The following EPHA5 variants were observed in gnomAD, a reference collection of about 807,000 sequenced individuals.
EPHA5 encodes the protein EPH receptor A5, also known as ephrin type-A receptor 5.
A neutral mutation model predicts 105.0 loss-of-function variants in EPHA5; 60 were observed. That is an observed-to-expected ratio of 0.57 (90% CI 0.46 to 0.71). EPHA5 has a LOEUF of 0.71. Ranked by LOEUF, EPHA5 falls within the 30% of genes least tolerant of loss-of-function variation. The probability of loss-of-function intolerance (pLI) is 0.00; values close to 1 mark genes in which losing one functional copy is unlikely to be tolerated. For synonymous variants in EPHA5, 513 were observed against 449.1 expected (o/e 1.14, Z -1.80); for missense variants, 1,218 against 1,274.7 (o/e 0.96, Z 0.68).
chr4:65,348,745 G>A (rs1722499685), intron 13 of EPHA5, among the ~76,000 whole-genome samples: 1 of 99,052 alleles, frequency 1.0e-5, no homozygotes, highest in South Asian at 3.5e-4. Flanking sequence ...ATATATGTGT[G>A]TGCATATATA....
chr4:65,337,317 T>C (rs1171121238), intron 14 of EPHA5, among the ~76,000 whole-genome samples: 1 of 152,108 alleles, frequency 6.6e-6, no homozygotes, highest in African/African-American at 2.4e-5. Flanking sequence ...CAAGAATTCA[T>C]TCCTTCTACT....
chr4:65,403,833 G>A (rs896702451), intron 8 of EPHA5, among the ~76,000 whole-genome samples: 1 of 152,010 alleles, frequency 6.6e-6, no homozygotes, highest in Non-Finnish European at 1.5e-5. Context: ...CATGATTGAA[G>A]TATTCAGGTT....
intron 3 of EPHA5, among the ~76,000 whole-genome samples, chr4:65,556,413 A>G (rs1453684454): frequency 6.6e-6 from 1 of 152,170 alleles, no homozygotes; most frequent in African/African-American, 2.4e-5. Flanking sequence ...ATGACTGTAT[A>G]TAATTTTTCC....
chr4:65,387,458 T>A (rs1390344264), intron 8 of EPHA5, among the ~76,000 whole-genome samples: 1 of 151,976 alleles, frequency 6.6e-6, no homozygotes, highest in Admixed American at 6.6e-5. Context: ...AGATACAGGG[T>A]GGTAAAATGC....
intron 3 of EPHA5, among the ~76,000 whole-genome samples, chr4:65,536,319 C>T (rs1193652789): frequency 6.6e-6 from 1 of 151,934 alleles, no homozygotes; most frequent in Non-Finnish European, 1.5e-5. Flanking sequence ...GCATCAAAAT[C>T]TCTTGTAATC....
intron 2 of EPHA5, among the ~76,000 whole-genome samples, chr4:65,607,636 C>T (rs1211273708): frequency 1.3e-5 from 2 of 152,174 alleles, no homozygotes; most frequent in Non-Finnish European, 2.9e-5. Flanking sequence ...AGTGAGTTAC[C>T]ATCTCATGCC....
intron 3 of EPHA5, among the ~76,000 whole-genome samples, chr4:65,498,662 A>C (rs1391714898): frequency 6.6e-6 from 1 of 151,798 alleles, no homozygotes; most frequent in South Asian, 2.1e-4. Flanking sequence ...AAATCGTAAG[A>C]GTGACTGTAA....
At chr4:65,378,029 CA>C (rs200244005) in intron 8 of EPHA5, among the ~76,000 whole-genome samples, 1,882 of 151,462 alleles carry the variant, frequency 0.012, 50 homozygotes, top group African/African-American at 0.043. Context: ...TTTTTTATAT[CA>C]AAAAAAGTAA....
intron 14 of EPHA5, among the ~76,000 whole-genome samples, chr4:65,346,637 A>T (rs1040677005): frequency 6.6e-6 from 1 of 152,180 alleles, no homozygotes; most frequent in Admixed American, 6.5e-5. Flanking sequence ...ATGGGATCTA[A>T]TTAAACTAAA....
intron 8 of EPHA5, among the ~76,000 whole-genome samples, chr4:65,400,976 C>G (rs889300440): frequency 1.4e-4 from 21 of 151,590 alleles, no homozygotes; most frequent in African/African-American, 4.8e-4. Flanking sequence ...GTTATCATAT[C>G]ATATTCCAGA....
chr4:65,554,239 T>C (rs1027286798), intron 3 of EPHA5, among the ~76,000 whole-genome samples: 1 of 148,872 alleles, frequency 6.7e-6, no homozygotes, highest in African/African-American at 2.4e-5. Flanking sequence ...AACATGAATA[T>C]ACTTATAATA....
intron 3 of EPHA5, among the ~76,000 whole-genome samples, chr4:65,576,495 T>C (rs1313289538): frequency 6.6e-6 from 1 of 152,194 alleles, no homozygotes; most frequent in African/African-American, 2.4e-5. Context: ...ATATGGTTTT[T>C]GAACACAAAC....
chr4:65,556,005 A>G (rs541389221), intron 3 of EPHA5, among the ~76,000 whole-genome samples: 1 of 152,256 alleles, frequency 6.6e-6, no homozygotes, highest in East Asian at 1.9e-4. Context: ...TTCCAACTCT[A>G]TTTTTAAATG....
chr4:65,562,883 G>A (rs910240247), intron 3 of EPHA5, among the ~76,000 whole-genome samples: 11 of 151,942 alleles, frequency 7.2e-5, no homozygotes, highest in South Asian at 4.2e-4. Flanking sequence ...AAACTGAGGC[G>A]GGAGGATTGC....
intron 2 of EPHA5, among the ~76,000 whole-genome samples, chr4:65,643,107 A>G (rs904564200): frequency 5.3e-5 from 8 of 152,038 alleles, no homozygotes; most frequent in Non-Finnish European, 8.8e-5. Flanking sequence ...TAAATGCTGA[A>G]GGAAACTTCA....
At chr4:65,545,853 A>G (rs371753300) in intron 3 of EPHA5, among the ~76,000 whole-genome samples, 4 of 152,070 alleles carry the variant, frequency 2.6e-5, no homozygotes, top group Non-Finnish European at 4.4e-5. Flanking sequence ...CAGCAGTCCA[A>G]TGATGGTTGG....
At position 65,490,765 on chromosome 4, in the gene EPHA5, G is replaced by A. The variant is rs374068083; in HGVS notation, c.1067-53C>T. On this transcript the variant is annotated intron_variant, in intron 4 of 16. Coordinates refer to ENST00000613740, the MANE Select transcript of EPHA5 (RefSeq NM_001281766.3). ...CATATTTTAAGATGGTATTAATTAGGCATTATTTATCACACCAATTCCTGG... is the reference window on the plus strand; with the variant it reads ...CATATTTTAAGATGGTATTAATTAGACATTATTTATCACACCAATTCCTGG... 44 of 1,537,450 alleles carry A rather than the reference G, an allele frequency of 2.9e-5. 1 individual carries two copies. In the African/African-American group the frequency reaches 3.8e-4, roughly 13 times the overall value.
chr4:65,432,687 T>A (rs912579622), intron 5 of EPHA5, among the ~76,000 whole-genome samples: 2 of 151,980 alleles, frequency 1.3e-5, no homozygotes, highest in Non-Finnish European at 2.9e-5. Flanking sequence ...CCCGCCTCAG[T>A]CTCCTAAGTA....
intron 3 of EPHA5, among the ~76,000 whole-genome samples, chr4:65,568,512 ATTT>A (rs1739790502): frequency 6.6e-6 from 1 of 151,266 alleles, no homozygotes; most frequent in South Asian, 2.1e-4. Flanking sequence ...AATATTAAAA[ATTT>A]TTATTAATAA....
Sources: gnomAD v4.1 joint callset for allele counts (sites outside exome capture counted in the v4.1 genomes callset) on GRCh38, gnomAD v4.1.1 for gene constraint, MANE v1.5 for transcripts, NCBI Gene and HGNC (gene_info 2026-07-23, HGNC 2026-07-21) for gene names.